UBR2: variants seen among roughly 807,000 people sequenced by gnomAD.
UBR2 encodes E3 ubiquitin-protein ligase UBR2.
UBR2 carries 92 observed loss-of-function variants against 247.9 expected under a neutral mutation model. The ratio of observed to expected loss-of-function variants is 0.37; its 90% CI spans 0.31 to 0.44. UBR2 has a LOEUF of 0.44. Ranked by LOEUF, UBR2 falls within the 20% of genes least tolerant of loss-of-function variation. The probability of loss-of-function intolerance (pLI) is 1.00; values close to 1 mark genes in which losing one functional copy is unlikely to be tolerated. For synonymous variants in UBR2, 672 were observed against 693.5 expected (o/e 0.97, Z 0.49); for missense variants, 1,613 against 2,112.6 (o/e 0.76, Z 4.64).
intron 7 of UBR2, among the ~76,000 whole-genome samples, chr6:42,611,490 T>C (rs969156270): frequency 8.6e-5 from 13 of 150,334 alleles, no homozygotes; most frequent in African/African-American, 2.7e-4. Flanking sequence ...TAACATCACA[T>C]CTATGCAATA....
chr6:42,617,534 T>G (rs1794638969), intron 11 of UBR2, 27 bp downstream of exon 11: 1 of 1,545,342 alleles, frequency 6.5e-7, no homozygotes, highest in Non-Finnish European at 8.8e-7. Context: ...TAGAAGAACT[T>G]TCTTGTTTTC....
intron 2 of UBR2, among the ~76,000 whole-genome samples, chr6:42,583,479 T>C (rs1159151599): frequency 6.6e-6 from 1 of 151,626 alleles, no homozygotes; most frequent in Non-Finnish European, 1.5e-5. Context: ...ACTCCCAACC[T>C]CATGTGATCC....
At chr6:42,681,948 C>A (rs1799081411) in intron 42 of UBR2, among the ~76,000 whole-genome samples, 2 of 152,132 alleles carry the variant, frequency 1.3e-5, no homozygotes, top group South Asian at 4.1e-4. Context: ...GTGGTGCACG[C>A]CTGTAGTCCC....
chr6:42,673,417 G>A (rs541378563), intron 36 of UBR2, among the ~76,000 whole-genome samples: 1 of 152,242 alleles, frequency 6.6e-6, no homozygotes, highest in South Asian at 2.1e-4. Flanking sequence ...TGCCTCCAGG[G>A]TTCAAGTGAT....
chr6:42,688,310 G>A lies in UBR2; in HGVS notation c.4948G>A (p.Glu1650Lys), dbSNP rs1799559440. The A allele has an allele frequency of 6.2e-7, 1 of 1,613,968 alleles. No individual in the cohort carries two copies. The highest frequency in any genetic ancestry group is 8.5e-7 in the Non-Finnish European group (1 of 1,180,044). Reference sequence around the variant, plus strand: ...CTCCCAGAGTTACTGCTGCCAGACTGAACTGGAAGGGGAGGATGTAGGAGC... The same window carrying A: ...CTCCCAGAGTTACTGCTGCCAGACTAAACTGGAAGGGGAGGATGTAGGAGC... Reference protein sequence around the residue: ...LCSQSYCCQTELEGEDVGACT... With the variant: ...LCSQSYCCQTKLEGEDVGACT... Residue 1650 changes from glutamate to lysine, a missense_variant, in exon 45 of 47, where the codon GAA (glutamate) becomes AAA (lysine). Around this residue, in one of 3 missense-constraint regions of UBR2, gnomAD observed 9 missense variants for 36.8 expected, o/e 0.24. Coordinates refer to ENST00000372901, the MANE Select transcript of UBR2 (RefSeq NM_001363705.2).
intron 46 of UBR2, among the ~76,000 whole-genome samples, chr6:42,690,397 G>A (rs1323907060): frequency 6.6e-6 from 1 of 152,188 alleles, no homozygotes; most frequent in Admixed American, 6.5e-5. Flanking sequence ...GTTAGGAGGA[G>A]GAGAGTCTGA....
At chr6:42,642,067 A>AT (rs983105769) in intron 17 of UBR2, among the ~76,000 whole-genome samples, 11 of 149,174 alleles carry the variant, frequency 7.4e-5, no homozygotes, top group Admixed American at 2.0e-4. Flanking sequence ...CTTGGAATGA[A>AT]TTTTTTTTTT....
intron 2 of UBR2, among the ~76,000 whole-genome samples, chr6:42,575,447 G>A (rs912722869): frequency 2.0e-5 from 3 of 152,192 alleles, no homozygotes; most frequent in African/African-American, 7.2e-5. Flanking sequence ...ATAGGAAATT[G>A]AGACCCCATT....
In UBR2 at chr6:42,650,339, G is replaced by A. The variant is rs1419990923; in HGVS notation, c.2518G>A (p.Glu840Lys). Residue 840 changes from glutamate to lysine, a missense_variant, in exon 23 of 47, where the codon GAG becomes AAG. Coordinates refer to ENST00000372901, the MANE Select transcript of UBR2 (RefSeq NM_001363705.2). ...TGAACTGAAACCAGAATGTGCCAAA[G>A]AGTTCAACTTGTATTTCTATCACTT... is the stretch of plus-strand genomic sequence containing the variant. ...MYELKPECAK[E>K]FNLYFYHFSR... 7 of 1,614,076 alleles carry A rather than the reference G, an allele frequency of 4.3e-6. No individual in the cohort carries two copies. The highest frequency in any genetic ancestry group is 1.7e-4 in the Middle Eastern group (1 of 6,058).
rs1797929688 is a variant in UBR2, at chr6:42,663,353, C to G, written c.3632C>G (p.Pro1211Arg). ...YDVENGEFLC[P>R]LCECLSNTVI... Reference sequence around the variant, plus strand: ...GTAGAAAACGGAGAATTCCTTTGCCCCCTTTGTGAATGCTTGAGTAATACT... The same window carrying G: ...GTAGAAAACGGAGAATTCCTTTGCCGCCTTTGTGAATGCTTGAGTAATACT... Residue 1211 changes from proline to arginine, a missense_variant, in exon 32 of 47, where the codon CCC becomes CGC. Pro to Arg is a moderately radical substitution (Grantham distance 103). Around this residue, in one of 3 missense-constraint regions of UBR2, gnomAD observed 1,524 missense variants for 1,967.3 expected, o/e 0.77. Coordinates refer to ENST00000372901, the MANE Select transcript of UBR2 (RefSeq NM_001363705.2). 1 of 1,613,452 alleles carries G rather than the reference C, an allele frequency of 6.2e-7. No individual in the cohort carries two copies. Among genetic ancestry groups the G allele is most frequent in the Non-Finnish European group, 8.5e-7 (1 of 1,179,768 alleles).
chr6:42,624,439 CACTT>C (rs1212019852), intron 11 of UBR2, among the ~76,000 whole-genome samples: 1 of 151,920 alleles, frequency 6.6e-6, no homozygotes, highest in East Asian at 1.9e-4. Flanking sequence ...AGGTGTGAAC[CACTT>C]ACTCCTTATT....
rs1798053100 is a variant in UBR2 at position 42,665,462 on chromosome 6, C to A, written c.3752C>A (p.Ser1251Tyr). 2 of 1,613,172 alleles carry A rather than the reference C, an allele frequency of 1.2e-6. No individual in the cohort carries two copies. Among genetic ancestry groups the A allele is most frequent in the Non-Finnish European group, 1.7e-6 (2 of 1,179,564 alleles). Residue 1251 changes from serine to tyrosine, a missense_variant, in exon 33 of 47, where the codon TCT (serine) becomes TAT (tyrosine). Physicochemically the swap from Ser to Tyr is moderately radical, Grantham distance 144. Transcript: ENST00000372901. ...PNLTQWIRTI[S>Y]QQIKALQFLR... is the part of the protein sequence containing the mutation. ...CTGACTCAGTGGATTAGAACAATAT[C>A]TCAGCAAATAAAAGCATTACAGTTT...
intron 33 of UBR2, 108 bp from the exon 34 acceptor site, chr6:42,666,058 TA>T: frequency 1.1e-6 from 1 of 870,936 alleles, no homozygotes; most frequent in Non-Finnish European, 1.7e-6. Flanking sequence ...TGCCAGTTTT[TA>T]TTAGGGAATT....
chr6:42,591,730 T>C (rs1017596743), intron 2 of UBR2, among the ~76,000 whole-genome samples: 1 of 152,244 alleles, frequency 6.6e-6, no homozygotes, highest in Admixed American at 6.5e-5. Context: ...TGTATACATA[T>C]CACTTTGAAG....
chr6:42,628,722 CA>C (rs34316224), intron 11 of UBR2, among the ~76,000 whole-genome samples: 8,782 of 102,754 alleles, frequency 0.085, 268 homozygotes, highest in South Asian at 0.13. Context: ...GGCTCTGACT[CA>C]AAAAAAAAAA....
chr6:42,688,192 T>C (rs762020660), intron 44 of UBR2, 24 bp from the exon 45 acceptor site: 30 of 1,614,124 alleles, frequency 1.9e-5, no homozygotes, highest in South Asian at 1.4e-4. Flanking sequence ...GATCAATGAC[T>C]TGTGGGTTTT....
At chr6:42,590,797 A>G (rs915493239) in intron 2 of UBR2, among the ~76,000 whole-genome samples, 6 of 152,258 alleles carry the variant, frequency 3.9e-5, no homozygotes, top group African/African-American at 1.4e-4. Context: ...GATAAAAAGC[A>G]GAGTGATCTA....
chr6:42,678,912 C>T (rs1018318780), intron 41 of UBR2, among the ~76,000 whole-genome samples: 3 of 152,116 alleles, frequency 2.0e-5, no homozygotes, highest in East Asian at 1.9e-4. Flanking sequence ...GCCCTTCTCC[C>T]GTAAAGATCA....
At chr6:42,576,437 G>A (rs1791510588) in intron 2 of UBR2, among the ~76,000 whole-genome samples, 1 of 151,262 alleles carries the variant, frequency 6.6e-6, no homozygotes, top group Non-Finnish European at 1.5e-5. Context: ...TTCTGCTGCT[G>A]CTGCTGCCCA....
Sources: allele counts gnomAD v4.1 joint callset (sites outside exome capture counted in the v4.1 genomes callset), GRCh38; gene constraint gnomAD v4.1.1; regional missense constraint gnomAD v4.1.1; transcripts MANE v1.5; gene names NCBI Gene and HGNC (gene_info 2026-07-23, HGNC 2026-07-21).